POGLUT1: variants seen among roughly 807,000 people sequenced by gnomAD.
POGLUT1 encodes 9630046K23Rik.
POGLUT1 carries 32 observed loss-of-function variants against 61.3 expected under a neutral mutation model. That is an observed-to-expected ratio of 0.52 (90% CI 0.39 to 0.70). The LOEUF (loss-of-function observed/expected upper bound fraction) is 0.70, where lower values mean the gene tolerates loss of function less well. Among genes scored for constraint, POGLUT1 ranks in the 30% least tolerant of loss-of-function variants. The pLI is 0.00. For synonymous variants in POGLUT1, 158 were observed against 158.2 expected, an observed-to-expected ratio of 1.00 and a Z score of 0.01; for missense variants, 411 against 469.8, an observed-to-expected ratio of 0.87 and a Z score of 1.16.
At chr3:119,490,822 C>T (rs1474012038) in intron 9 of POGLUT1, 104 bp downstream of exon 9, 9 of 959,266 alleles carry the variant, frequency 9.4e-6, no homozygotes, top group East Asian at 4.9e-5. Context: ...TTTAGTCCTA[C>T]GATTTTTTTC....
intron 7 of POGLUT1, 69 bp from the exon 8 acceptor site, chr3:119,488,860 T>G (rs2081704333): frequency 3.7e-6 from 3 of 806,774 alleles, no homozygotes; most frequent in African/African-American, 1.7e-5. Flanking sequence ...TGTTTAACAA[T>G]GCTTGCTGCA....
intron 7 of POGLUT1, 95 bp from the exon 8 acceptor site, chr3:119,488,834 G>A (rs1287303532): frequency 1.5e-6 from 1 of 646,124 alleles, no homozygotes; most frequent in Non-Finnish European, 2.9e-6. Context: ...GCTTAAATGA[G>A]GTAATGTTGA....
intron 3 of POGLUT1, chr3:119,471,734 C>A: frequency 5.0e-6 from 2 of 397,024 alleles, no homozygotes; most frequent in Non-Finnish European, 9.4e-6. Context: ...AGGACACAGG[C>A]TGATGAGGCC....
intron 3 of POGLUT1, among the ~76,000 whole-genome samples, chr3:119,477,041 A>G (rs1577079378): frequency 6.6e-6 from 1 of 152,374 alleles, no homozygotes; most frequent in Middle Eastern, 3.4e-3. Flanking sequence ...TAGAAGTAGC[A>G]ATAATACTCC....
intron 6 of POGLUT1, among the ~76,000 whole-genome samples, chr3:119,486,289 A>G (rs1366559783): frequency 6.6e-6 from 1 of 152,218 alleles, no homozygotes; most frequent in Non-Finnish European, 1.5e-5. Flanking sequence ...CAGATTATCA[A>G]GGAATCCATG....
chr3:119,480,160 A>G lies in POGLUT1; in HGVS notation c.566A>G (p.Glu189Gly). The G allele has an allele frequency of 6.3e-7, 1 of 1,583,414 alleles. No individual in the cohort carries two copies. The highest frequency in any genetic ancestry group is 1.4e-5 in the African/African-American group (1 of 73,064). ...TGLGRWDLFR[E>G]DLVRSAAQWP... The stretch of plus-strand genomic sequence containing the variant: ...CTTGGACGGTGGGACCTCTTCAGAG[A>G]AGATCTGGTAAGGTAGGTCCTTTAA... Residue 189 changes from glutamate to glycine, a missense_variant, in exon 5 of 11, where the codon GAA becomes GGA. Coordinates refer to ENST00000295588, the MANE Select transcript of POGLUT1 (RefSeq NM_152305.3).
intron 7 of POGLUT1, among the ~76,000 whole-genome samples, chr3:119,487,770 G>A (rs2081685353): frequency 6.6e-6 from 1 of 151,942 alleles, no homozygotes; most frequent in Non-Finnish European, 1.5e-5. Flanking sequence ...TTGGCCTGTG[G>A]GTCGTAGTTT....
At position 119,492,087 on chromosome 3, in the gene POGLUT1, A is replaced by G. The variant is rs2081755751; in HGVS notation, c.1023-195A>G. On this transcript the variant is annotated intron_variant, in intron 10 of 10. Transcript: ENST00000295588. ...AAATAAATAAATAAATAAATAAAGG[A>G]AAAAGATTGTTAAGTTGTATTGCTA... Among the ~76,000 whole-genome samples, 4 of 152,296 alleles carry G rather than the reference A, an allele frequency of 2.6e-5. No individual in the cohort carries two copies. In the South Asian group the frequency reaches 6.2e-4, roughly 24 times the overall value.
chr3:119,486,456 G>A (rs533610525), intron 6 of POGLUT1, among the ~76,000 whole-genome samples: 3 of 152,244 alleles, frequency 2.0e-5, no homozygotes, highest in East Asian at 1.9e-4. Context: ...AGGTCATGTA[G>A]CTGTTTTAGT....
chr3:119,483,940 C>G (rs1172001458), intron 5 of POGLUT1, among the ~76,000 whole-genome samples: 2 of 152,218 alleles, frequency 1.3e-5, no homozygotes, highest in Non-Finnish European at 2.9e-5. Flanking sequence ...ACATTGTTAC[C>G]TCTGGACAGG....
intron 8 of POGLUT1, 184 bp downstream of exon 8, chr3:119,489,171 G>A: frequency 2.3e-6 from 1 of 429,020 alleles, no homozygotes; most frequent in East Asian, 3.3e-5. Context: ...CTGTAGAGAA[G>A]AATGGAACAT....
intron 9 of POGLUT1, among the ~76,000 whole-genome samples, chr3:119,491,268 T>C (rs548151884): frequency 1.4e-4 from 21 of 148,648 alleles, no homozygotes; most frequent in Non-Finnish European, 2.7e-4. Context: ...TATATGTAAA[T>C]ATATAAGGTA....
At chr3:119,483,904 G>A (rs1426624204) in intron 5 of POGLUT1, among the ~76,000 whole-genome samples, 2 of 152,234 alleles carry the variant, frequency 1.3e-5, no homozygotes, top group African/African-American at 4.8e-5. Context: ...ATAAATGATT[G>A]CAAGGAAATT....
chr3:119,492,183 T>C, intron 10 of POGLUT1, 99 bp from the exon 11 acceptor site: 1 of 795,406 alleles, frequency 1.3e-6, no homozygotes, highest in Non-Finnish European at 1.9e-6. Flanking sequence ...TTATATAAAA[T>C]GCTGAATAAT....
intron 5 of POGLUT1, among the ~76,000 whole-genome samples, chr3:119,480,621 G>A (rs1381825795): frequency 6.6e-6 from 1 of 152,084 alleles, no homozygotes; most frequent in African/African-American, 2.4e-5. Context: ...AATTTTGTAC[G>A]TGTCTAATAA....
chr3:119,470,753 T>C (rs944130993), intron 2 of POGLUT1, among the ~76,000 whole-genome samples: 2 of 152,198 alleles, frequency 1.3e-5, no homozygotes, highest in Admixed American at 1.3e-4. Flanking sequence ...TTAAGCTCCT[T>C]TTTATGTTAT....
chr3:119,477,949 C>T (rs1328794648), intron 4 of POGLUT1, among the ~76,000 whole-genome samples: 1 of 152,142 alleles, frequency 6.6e-6, no homozygotes, highest in East Asian at 1.9e-4. Context: ...GTGTACAAGC[C>T]GTGCATTGAA....
At chr3:119,479,966 T>G in intron 4 of POGLUT1, 85 bp from the exon 5 acceptor site, 1 of 1,598,204 alleles carries the variant, frequency 6.3e-7, no homozygotes, top group Non-Finnish European at 8.5e-7. Context: ...AAACCAAGGC[T>G]GTCCAGATCC....
intron 3 of POGLUT1, among the ~76,000 whole-genome samples, chr3:119,473,332 A>G (rs1159872186): frequency 1.0e-5 from 1 of 100,000 alleles, no homozygotes; most frequent in Admixed American, 9.0e-5. Context: ...TTTGCTGAAC[A>G]ATTGCCAAAT....
Sources: gnomAD v4.1 joint callset for allele counts (sites outside exome capture counted in the v4.1 genomes callset) on GRCh38, gnomAD v4.1.1 for gene constraint, MANE v1.5 for transcripts, NCBI Gene and HGNC (gene_info 2026-07-23, HGNC 2026-07-21) for gene names.